KSR2: variants seen among roughly 807,000 people sequenced by gnomAD.
KSR2 encodes the protein kinase suppressor of ras 2.
KSR2 carries 25 observed loss-of-function variants against 107.8 expected under a neutral mutation model. That is an observed-to-expected ratio of 0.23 (90% CI 0.17 to 0.32). The LOEUF is 0.32. KSR2 is among the 10% of genes least tolerant of loss of function. KSR2 has a pLI of 1.00. For synonymous variants in KSR2, 480 were observed against 507.0 expected, an observed-to-expected ratio of 0.95 and a Z score of 0.71; for missense variants, 887 against 1,268.9, an observed-to-expected ratio of 0.70 and a Z score of 4.57.
At chr12:117,524,679 TAAGTA>T (rs1224784918) in intron 14 of KSR2, among the ~76,000 whole-genome samples, 168 bp downstream of exon 14, 2 of 152,056 alleles carry the variant, frequency 1.3e-5, no homozygotes, top group African/African-American at 4.8e-5. Flanking sequence ...AAAAAACAAA[TAAGTA>T]AAGTATTTTC....
chr12:117,961,920 G>A (rs1896670110), intron 1 of KSR2, among the ~76,000 whole-genome samples: 1 of 152,168 alleles, frequency 6.6e-6, no homozygotes, highest in Non-Finnish European at 1.5e-5. Flanking sequence ...CAAGGCAAGA[G>A]GGTGGCTTGA....
intron 5 of KSR2, among the ~76,000 whole-genome samples, chr12:117,594,017 A>T (rs939856595): frequency 3.9e-5 from 6 of 152,222 alleles, no homozygotes; most frequent in African/African-American, 1.4e-4. Flanking sequence ...AGTTCCTCAC[A>T]CACTACATCA....
chr12:117,699,360 C>T (rs763911633), intron 4 of KSR2, among the ~76,000 whole-genome samples: 17 of 152,146 alleles, frequency 1.1e-4, no homozygotes, highest in Admixed American at 2.0e-4. Context: ...AGTACTCATG[C>T]GTCACTTAAT....
intron 1 of KSR2, among the ~76,000 whole-genome samples, chr12:117,881,187 T>C (rs116067514): frequency 1.4e-4 from 21 of 152,286 alleles, no homozygotes; most frequent in African/African-American, 4.1e-4. Flanking sequence ...AATGAATGAA[T>C]GATGTGCAAG....
intron 3 of KSR2, among the ~76,000 whole-genome samples, chr12:117,829,949 G>A (rs752099783): frequency 2.3e-4 from 35 of 152,184 alleles, no homozygotes; most frequent in Non-Finnish European, 4.7e-4. Flanking sequence ...AACTAACACA[G>A]CAACAGAAAA....
chr12:117,843,592 G>A (rs1469625315), intron 3 of KSR2, among the ~76,000 whole-genome samples: 2 of 152,212 alleles, frequency 1.3e-5, no homozygotes, highest in African/African-American at 4.8e-5. Flanking sequence ...ATCATGCCCT[G>A]AAGAGTAACA....
chr12:117,852,085 T>C (rs1236549192), intron 3 of KSR2, among the ~76,000 whole-genome samples: 1 of 151,836 alleles, frequency 6.6e-6, no homozygotes, highest in Non-Finnish European at 1.5e-5. Context: ...GGGGTCACAA[T>C]ATAAATTGTA....
rs145989499 is a variant in KSR2, at chr12:117,583,318, TG to T, written c.1172-960del. On this transcript the variant is annotated intron_variant, in intron 5 of 19. Coordinates refer to ENST00000339824, the MANE Select transcript of KSR2 (RefSeq NM_173598.6). ...GTGGATGGATGAATAGATGGATAGA[TG>T]GGTGGGTGGATGGATAGATAGATGG... Among the ~76,000 whole-genome samples the T allele has an allele frequency of 5.6e-4, 79 of 140,196 alleles. 1 individual carries two copies. The East Asian group carries it at 0.015, about 26-fold the overall frequency. 92.0% of individuals were successfully genotyped at this position (140,196 alleles called of 152,430 possible).
intron 4 of KSR2, among the ~76,000 whole-genome samples, chr12:117,673,092 C>A (rs1240964178): frequency 1.3e-5 from 2 of 152,214 alleles, no homozygotes; most frequent in Non-Finnish European, 2.9e-5. Context: ...AGAACCAAGT[C>A]TGACCCAGCA....
intron 8 of KSR2, among the ~76,000 whole-genome samples, chr12:117,558,097 C>T (rs1458979357): frequency 6.6e-6 from 1 of 152,226 alleles, no homozygotes; most frequent in Non-Finnish European, 1.5e-5. Context: ...TACCCCTCCT[C>T]ATGCCTACTT....
chr12:117,492,508 C>T (rs540177156), intron 14 of KSR2, among the ~76,000 whole-genome samples: 29 of 152,320 alleles, frequency 1.9e-4, no homozygotes, highest in Non-Finnish European at 3.7e-4. Flanking sequence ...GAAGCCCCCA[C>T]GACCTTGGGG....
At chr12:117,856,005 C>T (rs968222769) in intron 2 of KSR2, among the ~76,000 whole-genome samples, 1 of 152,234 alleles carries the variant, frequency 6.6e-6, no homozygotes, top group East Asian at 1.9e-4. Flanking sequence ...CAGGACAAGG[C>T]AGGTGTGCTG....
At chr12:117,637,690 T>G (rs866057094) in intron 5 of KSR2, among the ~76,000 whole-genome samples, 1 of 137,662 alleles carries the variant, frequency 7.3e-6, no homozygotes, top group African/African-American at 2.7e-5. Flanking sequence ...TTTTTTTTTT[T>G]TTTTTTTTTG....
intron 1 of KSR2, among the ~76,000 whole-genome samples, chr12:117,938,667 T>C (rs191570575): frequency 3.9e-5 from 6 of 152,034 alleles, no homozygotes; most frequent in Non-Finnish European, 8.8e-5. Context: ...GGAAGATCAC[T>C]TGAGCCCAAG....
At chr12:117,920,478 A>G (rs150689888) in intron 1 of KSR2, among the ~76,000 whole-genome samples, 28 of 152,216 alleles carry the variant, frequency 1.8e-4, no homozygotes, top group African/African-American at 6.5e-4. Context: ...ATAAGAAAAG[A>G]ACAAGACCAT....
chr12:117,488,490 ATAAT>A (rs531359196), intron 14 of KSR2, among the ~76,000 whole-genome samples: 155 of 152,290 alleles, frequency 1.0e-3, no homozygotes, highest in African/African-American at 3.7e-3. Context: ...GCTTTGGAAG[ATAAT>A]TAAGTCATGA....
At chr12:117,667,741 TC>T in intron 4 of KSR2, 83 bp from the exon 5 acceptor site, 1 of 1,193,724 alleles carries the variant, frequency 8.4e-7, no homozygotes, top group Non-Finnish European at 1.1e-6. Context: ...GCCTTGTGTT[TC>T]CCATGAGGGG....
chr12:117,709,166 T>C (rs140946500), intron 4 of KSR2, among the ~76,000 whole-genome samples: 2 of 152,262 alleles, frequency 1.3e-5, no homozygotes, highest in East Asian at 1.9e-4. Flanking sequence ...GGTGCAGACA[T>C]CTTTGGGGGA....
In KSR2 at chr12:117,881,200, T is replaced by A. The variant is rs146041468; in HGVS notation, c.181-20769A>T. On this transcript the variant is annotated intron_variant, in intron 1 of 19. Transcript: ENST00000339824. Reference sequence around the variant, plus strand: ...TGAATGAATGAATGATGTGCAAGAATGAAGGCCTTTTCCGTAAGCAACAAC... The same window carrying A: ...TGAATGAATGAATGATGTGCAAGAAAGAAGGCCTTTTCCGTAAGCAACAAC... 2.0e-4 allele frequency among the ~76,000 whole-genome samples: 31 copies of A among 152,304 alleles called. No homozygotes were observed. The East Asian group carries it at 5.4e-3, about 27-fold the overall frequency.
Sources: allele counts gnomAD v4.1 joint callset (sites outside exome capture counted in the v4.1 genomes callset), GRCh38; gene constraint gnomAD v4.1.1; transcripts MANE v1.5; gene names NCBI Gene and HGNC (gene_info 2026-07-23, HGNC 2026-07-21).